The following DNMBP variants were observed in gnomAD, a reference collection of about 807,000 sequenced individuals.
DNMBP encodes the protein dynamin-binding protein.
DNMBP carries 87 observed loss-of-function variants against 150.0 expected under a neutral mutation model. The ratio of observed to expected loss-of-function variants is 0.58; its 90% CI spans 0.49 to 0.69. The LOEUF is 0.69. Among genes scored for constraint, DNMBP ranks in the 30% least tolerant of loss-of-function variants. The pLI, the probability that DNMBP is intolerant of heterozygous loss-of-function variation, is 0.00. For missense variants in DNMBP, 1,774 were observed against 1,949.0 expected (o/e 0.91, Z 1.69); for synonymous variants, 711 against 750.4 (o/e 0.95, Z 0.86).
rs1420917051 is a variant in DNMBP at position 99,879,855 on chromosome 10, C to A, written c.4504G>T (p.Asp1502Tyr). The A allele has an allele frequency of 6.2e-7, 1 of 1,614,268 alleles. No homozygotes were observed. Among genetic ancestry groups the A allele is most frequent in the South Asian group, 1.1e-5 (1 of 91,092 alleles). The change falls in exon 16 of 17, where the codon GAC (aspartate) becomes TAC (tyrosine). Residue 1502 changes from aspartate to tyrosine, a missense_variant. Transcript: ENST00000324109. Reference sequence around the variant, plus strand: ...CTGCCATCTGGCTCTGTACTTCTGTCTTCCGGAGCCTGGGCTGTTCTTGCA... The same window carrying A: ...CTGCCATCTGGCTCTGTACTTCTGTATTCCGGAGCCTGGGCTGTTCTTGCA... ...GCARTAQAPE[D>Y]RSTEPDGSEA...
chr10:99,879,986 T>A lies in DNMBP; in HGVS notation c.4373A>T (p.Gln1458Leu), dbSNP rs1237642922. ...GTAGCTCCTCGGCGTGGCAGTGGGT[T>A]GCTTTACATCTCTAGCTACATCTGC... ...DSADVARDVK[Q>L]PTATPRSYRN... is the part of the protein sequence containing the mutation. Residue 1458 changes from glutamine to leucine, a missense_variant, in exon 16 of 17, where the codon CAA (glutamine) becomes CTA (leucine). This residue lies in a region of DNMBP where 1,430 missense variants were observed against 1,492.5 expected (regional missense o/e 0.96). Coordinates refer to ENST00000324109, the MANE Select transcript of DNMBP (RefSeq NM_015221.4). 2 of 1,614,228 alleles carry A rather than the reference T, an allele frequency of 1.2e-6. No individual in the cohort carries two copies. The highest frequency in any genetic ancestry group is 2.2e-5 in the South Asian group (2 of 91,088).
At chr10:99,944,466 T>C (rs754761788) in intron 4 of DNMBP, among the ~76,000 whole-genome samples, 21 of 152,348 alleles carry the variant, frequency 1.4e-4, no homozygotes, top group South Asian at 6.2e-4. Context: ...TACCTCTTAA[T>C]GTTTCTACTG....
chr10:99,927,779 T>C (rs2040098591), intron 4 of DNMBP, among the ~76,000 whole-genome samples: 1 of 152,194 alleles, frequency 6.6e-6, no homozygotes, highest in African/African-American at 2.4e-5. Context: ...ATGGAAATGA[T>C]ATTGGGTGGA....
At chr10:99,967,668 GGTGTGTGT>G (rs140839578) in intron 3 of DNMBP, among the ~76,000 whole-genome samples, 256 of 145,638 alleles carry the variant, frequency 1.8e-3, no homozygotes, top group African/African-American at 5.5e-3. Flanking sequence ...GGTTTTTCTG[GGTGTGTGT>G]GTGTGTGTGT....
At chr10:99,904,004 A>T (rs552696196) in intron 6 of DNMBP, among the ~76,000 whole-genome samples, 1 of 149,548 alleles carries the variant, frequency 6.7e-6, no homozygotes, top group South Asian at 2.1e-4. Context: ...TGATCTGCCC[A>T]CCTTGCCTCG....
chr10:99,954,476 G>C (rs1177830924), intron 4 of DNMBP, among the ~76,000 whole-genome samples: 1 of 151,998 alleles, frequency 6.6e-6, no homozygotes, highest in Non-Finnish European at 1.5e-5. Context: ...TGGGTGCGGT[G>C]GCTCATGCCT....
intron 4 of DNMBP, among the ~76,000 whole-genome samples, chr10:99,915,234 C>CAT (rs35200631): frequency 6.7e-5 from 10 of 149,184 alleles, no homozygotes; most frequent in African/African-American, 2.5e-4. Context: ...CACACACACA[C>CAT]GCATATATAT....
At chr10:99,953,604 G>C (rs897382459) in intron 4 of DNMBP, among the ~76,000 whole-genome samples, 1 of 152,074 alleles carries the variant, frequency 6.6e-6, no homozygotes, top group East Asian at 1.9e-4. Context: ...TGGATCACTC[G>C]AGGTCAGGAG....
intron 4 of DNMBP, chr10:99,930,307 T>TA (rs1354183498): frequency 4.3e-6 from 3 of 703,010 alleles, no homozygotes; most frequent in African/African-American, 1.7e-5. Flanking sequence ...TCAGCTTTTT[T>TA]AGAGTCCTCA....
chr10:99,922,010 GAAGA>G lies in DNMBP; in HGVS notation c.2261-12868_2261-12865del, dbSNP rs201155230. ...TTTGTTTCCTTTCAGTTTATGATGA[GAAGA>G]AAGGGGTGTCTGACACTGTGGAACC... On this transcript the variant is annotated intron_variant, in intron 4 of 16. Coordinates refer to ENST00000324109, the MANE Select transcript of DNMBP (RefSeq NM_015221.4). Among the ~76,000 whole-genome samples the G allele has an allele frequency of 2.4e-3, 359 of 152,022 alleles. 4 individuals carry two copies. The highest frequency in any genetic ancestry group is 0.023 in the East Asian group (117 of 5,164).
chr10:99,966,833 T>A (rs2040623866), intron 3 of DNMBP, among the ~76,000 whole-genome samples: 1 of 151,898 alleles, frequency 6.6e-6, no homozygotes, highest in Non-Finnish European at 1.5e-5. Context: ...CAAGCTGGAG[T>A]GTAGTGGCGT....
chr10:99,973,104 T>TA (rs1259877898), intron 1 of DNMBP, among the ~76,000 whole-genome samples: 1 of 151,656 alleles, frequency 6.6e-6, no homozygotes, highest in Non-Finnish European at 1.5e-5. Context: ...TTTATTTATT[T>TA]ATTTATTTGT....
chr10:99,940,209 A>C (rs1439654018), intron 4 of DNMBP, among the ~76,000 whole-genome samples: 1 of 152,226 alleles, frequency 6.6e-6, no homozygotes, highest in Non-Finnish European at 1.5e-5. Flanking sequence ...TTTATTTGGC[A>C]CATGCTAGAT....
intron 1 of DNMBP, among the ~76,000 whole-genome samples, chr10:99,999,580 T>C (rs1425773869): frequency 6.6e-6 from 1 of 152,244 alleles, no homozygotes; most frequent in Non-Finnish European, 1.5e-5. Context: ...TAAGACATTT[T>C]GATAGCAAGA....
At chr10:99,914,051 C>T (rs1447506883) in intron 4 of DNMBP, 3 of 1,483,258 alleles carry the variant, frequency 2.0e-6, no homozygotes, top group African/African-American at 1.4e-5. Flanking sequence ...CACAACCCCC[C>T]AAACTCCTTT....
At chr10:99,929,237 A>G (rs2040117802) in intron 4 of DNMBP, among the ~76,000 whole-genome samples, 2 of 151,800 alleles carry the variant, frequency 1.3e-5, no homozygotes, top group Admixed American at 1.3e-4. Context: ...AAAACATGCC[A>G]GGAAAATGAA....
intron 4 of DNMBP, among the ~76,000 whole-genome samples, chr10:99,932,286 C>T (rs1470877077): frequency 6.6e-6 from 1 of 152,144 alleles, no homozygotes; most frequent in African/African-American, 2.4e-5. Flanking sequence ...ACTACTAATT[C>T]TCTCTGGAAC....
At chr10:99,980,007 T>C (rs750449223) in intron 1 of DNMBP, among the ~76,000 whole-genome samples, 9 of 152,248 alleles carry the variant, frequency 5.9e-5, no homozygotes, top group Non-Finnish European at 1.3e-4. Context: ...CCTGCTCAGG[T>C]CCACTCATTT....
At chr10:99,884,394 G>A (rs189305551) in intron 14 of DNMBP, among the ~76,000 whole-genome samples, 185 bp from the exon 15 acceptor site, 1 of 152,230 alleles carries the variant, frequency 6.6e-6, no homozygotes, top group Non-Finnish European at 1.5e-5. Context: ...AGAGCCCTTA[G>A]GCAATGTTTG....
Sources: allele counts gnomAD v4.1 joint callset (sites outside exome capture counted in the v4.1 genomes callset), GRCh38; gene constraint gnomAD v4.1.1; regional missense constraint gnomAD v4.1.1; transcripts MANE v1.5; gene names NCBI Gene and HGNC (gene_info 2026-07-23, HGNC 2026-07-21).